Variants in SUN1 observed in about 807,000 individuals in gnomAD.
The protein encoded by SUN1 is SUN domain-containing protein 1.
A neutral mutation model predicts 103.2 loss-of-function variants in SUN1; 61 were observed. The observed-to-expected ratio is 0.59, with a 90% CI of 0.48 to 0.73. SUN1 has a LOEUF of 0.73. Ranked by LOEUF, SUN1 falls within the 30% of genes least tolerant of loss-of-function variation. The pLI, the probability that SUN1 is intolerant of heterozygous loss-of-function variation, is 0.00. For synonymous variants in SUN1, 490 were observed against 425.7 expected (o/e 1.15, Z -1.86); for missense variants, 1,052 against 1,034.6 (o/e 1.02, Z -0.23).
At chr7:834,770 A>C (rs1490747867) in intron 1 of SUN1, among the ~76,000 whole-genome samples, 2 of 147,612 alleles carry the variant, frequency 1.4e-5, no homozygotes, top group East Asian at 3.9e-4. Flanking sequence ...ACTTTCTTTA[A>C]TTAAATTTTT....
intron 17 of SUN1, among the ~76,000 whole-genome samples, chr7:872,082 G>T (rs1432470646): frequency 6.6e-6 from 1 of 152,166 alleles, no homozygotes; most frequent in Non-Finnish European, 1.5e-5. Context: ...CCTCCTGCTG[G>T]TGAGGCCTCA....
chr7:865,835 T>A, intron 15 of SUN1, 117 bp from the exon 16 acceptor site: 1 of 766,298 alleles, frequency 1.3e-6, no homozygotes, highest in Non-Finnish European at 2.2e-6. Flanking sequence ...TCTCTGAATA[T>A]CAGTGATGTC....
intron 2 of SUN1, among the ~76,000 whole-genome samples, chr7:841,134 T>C (rs1339407332): frequency 6.6e-6 from 1 of 151,870 alleles, no homozygotes; most frequent in African/African-American, 2.4e-5. Context: ...GGTTTCTCCA[T>C]GTTGGTCAGG....
intron 16 of SUN1, among the ~76,000 whole-genome samples, chr7:867,989 G>C (rs1257515640): frequency 6.6e-6 from 1 of 152,242 alleles, no homozygotes; most frequent in Admixed American, 6.5e-5. Flanking sequence ...GCTGGCAAGG[G>C]CTAGGCTTTG....
chr7:817,204 C>G (rs1417028462), intron 1 of SUN1: 2 of 569,318 alleles, frequency 3.5e-6, no homozygotes, highest in South Asian at 2.0e-5. Flanking sequence ...GAGCTATCCT[C>G]CCGCCTCCGC....
intron 1 of SUN1, among the ~76,000 whole-genome samples, chr7:835,234 C>T (rs1801905384): frequency 6.6e-6 from 1 of 152,214 alleles, no homozygotes; most frequent in Admixed American, 6.5e-5. Flanking sequence ...GCGACTGGTG[C>T]TTCAGTTCAC....
rs570420702 is a variant in SUN1 at position 853,999 on chromosome 7, CGT to C, written c.1263+385_1263+386del. Among the ~76,000 whole-genome samples the C allele has an allele frequency of 3.0e-3, 451 of 152,160 alleles. 3 individuals are homozygous for C. The highest frequency in any genetic ancestry group is 0.01 in the African/African-American group (426 of 41,496). ...CCGCTGAGATGGACACAAACCGTCT[CGT>C]GTGGGTCCCAGACGCACTTCTCGGA... is the stretch of plus-strand genomic sequence containing the variant. On this transcript the variant is annotated intron_variant, in intron 10 of 18. Transcript: ENST00000401592.
intron 15 of SUN1, 46 bp from the exon 16 acceptor site, chr7:865,906 A>G (rs568207607): frequency 6.4e-7 from 1 of 1,550,532 alleles, no homozygotes; most frequent in East Asian, 2.2e-5. Flanking sequence ...ATTGCTTCCA[A>G]AATGGTGGAA....
intron 17 of SUN1, 120 bp downstream of exon 17, chr7:869,636 A>G: frequency 8.1e-7 from 1 of 1,238,396 alleles, no homozygotes; most frequent in South Asian, 1.5e-5. Context: ...GCCCTCTCTC[A>G]GATTCGGTGT....
intron 1 of SUN1, among the ~76,000 whole-genome samples, chr7:823,206 A>T (rs1490289164): frequency 6.6e-6 from 1 of 152,236 alleles, no homozygotes; most frequent in Non-Finnish European, 1.5e-5. Context: ...AAGGTGAATG[A>T]GGCACAGTTC....
At chr7:828,381 C>T (rs1220876421), upstream of SUN1, among the ~76,000 whole-genome samples, 2 of 152,008 alleles carry the variant, frequency 1.3e-5, no homozygotes, top group African/African-American at 2.4e-5. Context: ...AATCAGTTCT[C>T]CTGCCTCAGC....
chr7:830,913 G>A, upstream of SUN1: 1 of 983,416 alleles, frequency 1.0e-6, no homozygotes, highest in African/African-American at 1.7e-5. Context: ...GCGGGGCTGG[G>A]TTCTGCAGAA....
intron 13 of SUN1, 29 bp from the exon 14 acceptor site, chr7:860,095 TAGGA>T: frequency 6.2e-7 from 1 of 1,608,328 alleles, no homozygotes; most frequent in Non-Finnish European, 8.5e-7. Context: ...TTAGTTAAAA[TAGGA>T]CATTTGTGTC....
At chr7:849,829 C>T in intron 5 of SUN1, 4 of 1,346,684 alleles carry the variant, frequency 3.0e-6, no homozygotes, top group Non-Finnish European at 3.1e-6. Context: ...TTGAGTTTCC[C>T]AGTTTCTACA....
intron 1 of SUN1, among the ~76,000 whole-genome samples, chr7:817,678 A>C (rs889581728): frequency 9.2e-5 from 14 of 152,114 alleles, no homozygotes; most frequent in African/African-American, 3.4e-4. Context: ...TTTTGTGTGT[A>C]ATCTGTTTTT....
intron 3 of SUN1, chr7:842,412 T>C: frequency 2.4e-6 from 1 of 409,252 alleles, no homozygotes; most frequent in South Asian, 4.6e-5. Flanking sequence ...AGTGACTAGT[T>C]CCAATGGGGA....
rs1197813694 is a variant in SUN1, at chr7:856,807, G to C, written c.1394+406G>C. 1.7e-4 allele frequency among the ~76,000 whole-genome samples: 26 copies of C among 152,286 alleles called. 1 individual carries two copies. In the East Asian group the frequency reaches 4.4e-3, roughly 26 times the overall value. On this transcript the variant is annotated intron_variant, in intron 12 of 18. Transcript: ENST00000401592. ...GGCACCGTTGGCATCTAGGTGGGCG[G>C]GGTTACAGCTCAGCCTCATCTCTGC...
At chr7:824,272 A>C (rs190556593) in intron 1 of SUN1, among the ~76,000 whole-genome samples, 1 of 152,234 alleles carries the variant, frequency 6.6e-6, no homozygotes, top group Non-Finnish European at 1.5e-5. Context: ...GGAAATGCAC[A>C]TGAAAGCTGT....
rs367784553 is a variant in SUN1, at chr7:822,853, G to A, written c.-74+6180G>A. 7.2e-5 allele frequency among the ~76,000 whole-genome samples: 11 copies of A among 152,302 alleles called. No homozygotes were observed. The East Asian group carries it at 1.7e-3, about 24-fold the overall frequency. ...GGGAGGAAGAATGAGAGGCCCAAGCGCAGCACACACAGCCCTGTGGCCACC... is the reference window on the plus strand; with the variant it reads ...GGGAGGAAGAATGAGAGGCCCAAGCACAGCACACACAGCCCTGTGGCCACC... On this transcript the variant is annotated intron_variant, in intron 1 of 17. Transcript: ENST00000389574.
Sources: gnomAD v4.1 joint callset for allele counts (sites outside exome capture counted in the v4.1 genomes callset) on GRCh38, gnomAD v4.1.1 for gene constraint, MANE v1.5 for transcripts, NCBI Gene and HGNC (gene_info 2026-07-23, HGNC 2026-07-21) for gene names.